The following B3GALT1 variants were observed in gnomAD, a reference collection of about 807,000 sequenced individuals.
B3GALT1 encodes UDP-Gal:betaGlcNAc beta 1,3-galactosyltransferase, polypeptide 1.
A neutral mutation model predicts 23.2 loss-of-function variants in B3GALT1; 10 were observed. That is an observed-to-expected ratio of 0.43 (90% CI 0.27 to 0.73). B3GALT1 has a LOEUF of 0.73. Ranked by LOEUF, B3GALT1 falls within the 30% of genes least tolerant of loss-of-function variation. B3GALT1 has a pLI of 0.21. For missense variants in B3GALT1, 299 were observed against 405.4 expected, an observed-to-expected ratio of 0.74 and a Z score of 2.25; for synonymous variants, 156 against 141.5, an observed-to-expected ratio of 1.10 and a Z score of -0.73.
intron 3 of B3GALT1, among the ~76,000 whole-genome samples, chr2:167,790,324 G>T (rs1263849287): frequency 6.6e-6 from 1 of 152,176 alleles, no homozygotes; most frequent in East Asian, 1.9e-4. Context: ...CTCAAACTAG[G>T]AATTCAGGGT....
intron 3 of B3GALT1, among the ~76,000 whole-genome samples, chr2:167,707,142 G>A (rs6433006): frequency 0.65 from 98,086 of 152,016 alleles, 35,220 homozygotes; most frequent in Non-Finnish European, 0.84. Context: ...CCTTTCAGCC[G>A]TGGTAGTGAG....
chr2:167,848,155 C>G (rs1335608784), intron 4 of B3GALT1, among the ~76,000 whole-genome samples: 2 of 152,038 alleles, frequency 1.3e-5, no homozygotes, highest in Non-Finnish European at 2.9e-5. Context: ...AGAATTCTAC[C>G]AGACATTCAA....
At chr2:167,438,746 C>T (rs1195199679) in intron 1 of B3GALT1, among the ~76,000 whole-genome samples, 1 of 152,210 alleles carries the variant, frequency 6.6e-6, no homozygotes, top group East Asian at 1.9e-4. Context: ...TAGAAAACTA[C>T]TGATTCCAGC....
At chr2:167,505,018 T>A (rs1298824372) in intron 2 of B3GALT1, among the ~76,000 whole-genome samples, 1 of 151,716 alleles carries the variant, frequency 6.6e-6, no homozygotes, top group Non-Finnish European at 1.5e-5. Context: ...TATGTATTGA[T>A]ATAGAGAGAT....
intron 1 of B3GALT1, among the ~76,000 whole-genome samples, chr2:167,478,236 G>C (rs1337626189): frequency 6.6e-6 from 1 of 152,184 alleles, no homozygotes; most frequent in Non-Finnish European, 1.5e-5. Flanking sequence ...TTCATTCACT[G>C]ATCTTGTGTT....
At chr2:167,756,539 T>A (rs1687821765) in intron 3 of B3GALT1, among the ~76,000 whole-genome samples, 1 of 152,212 alleles carries the variant, frequency 6.6e-6, no homozygotes, top group South Asian at 2.1e-4. Context: ...TCATCTCTAA[T>A]TAATTTTGGC....
chr2:167,636,823 T>A (rs576061839), intron 2 of B3GALT1, among the ~76,000 whole-genome samples: 2 of 151,782 alleles, frequency 1.3e-5, no homozygotes, highest in African/African-American at 4.8e-5. Context: ...CATCACACAC[T>A]GGGGCCTGTC....
At chr2:167,676,552 C>T (rs28576959) in intron 3 of B3GALT1, among the ~76,000 whole-genome samples, 2 of 131,394 alleles carry the variant, frequency 1.5e-5, no homozygotes, top group Admixed American at 7.3e-5. Context: ...CACACACACA[C>T]ACATATATAT....
intron 4 of B3GALT1, among the ~76,000 whole-genome samples, chr2:167,827,676 G>A (rs1173852559): frequency 6.6e-6 from 1 of 152,164 alleles, no homozygotes; most frequent in Non-Finnish European, 1.5e-5. Flanking sequence ...GGCCTCGGAT[G>A]CTCTATATCC....
intron 1 of B3GALT1, among the ~76,000 whole-genome samples, chr2:167,464,712 T>C (rs1235732587): frequency 1.3e-5 from 2 of 152,188 alleles, no homozygotes; most frequent in African/African-American, 4.8e-5. Flanking sequence ...TTCATATGGA[T>C]ATGAATGGAC....
At chr2:167,714,350 T>A in intron 3 of B3GALT1, 1 of 1,498,554 alleles carries the variant, frequency 6.7e-7, no homozygotes, top group Non-Finnish European at 9.3e-7. Context: ...TTCTCCTCTT[T>A]TATTGGTAAT....
At chr2:167,299,164 C>T (rs1397485890) in intron 1 of B3GALT1, among the ~76,000 whole-genome samples, 1 of 152,108 alleles carries the variant, frequency 6.6e-6, no homozygotes, top group Non-Finnish European at 1.5e-5. Flanking sequence ...TTCCTAGACA[C>T]ATATAGATGA....
intron 2 of B3GALT1, among the ~76,000 whole-genome samples, chr2:167,639,814 T>A (rs1340159634): frequency 6.6e-6 from 1 of 152,060 alleles, no homozygotes; most frequent in African/African-American, 2.4e-5. Flanking sequence ...TAAGTTGACA[T>A]CCAAATCATT....
At chr2:167,391,960 T>C (rs542380257) in intron 1 of B3GALT1, among the ~76,000 whole-genome samples, 124 of 152,250 alleles carry the variant, frequency 8.1e-4, no homozygotes, top group South Asian at 7.0e-3. Flanking sequence ...ATGTACACAT[T>C]TGAAAGTGAC....
At chr2:167,790,734 G>T (rs1356645175) in intron 3 of B3GALT1, among the ~76,000 whole-genome samples, 1 of 152,046 alleles carries the variant, frequency 6.6e-6, no homozygotes, top group East Asian at 1.9e-4. Flanking sequence ...TTGTTTGAAA[G>T]CCTGGTTAGC....
rs75786564 is a variant in B3GALT1, at chr2:167,625,652, G to A, written c.-409-21257G>A. Among the ~76,000 whole-genome samples, 991 of 151,592 alleles carry A rather than the reference G, an allele frequency of 6.5e-3. 9 individuals are homozygous for A. Among genetic ancestry groups the A allele is most frequent in the African/African-American group, 0.023 (957 of 41,406 alleles). ...CATGTCAAAGGAGAGCTTTAGATTC[G>A]TGTTACAATTAACCGTATGGCATGA... On this transcript the variant is annotated intron_variant, in intron 2 of 4. Transcript: ENST00000392690.
chr2:167,777,636 C>A (rs1688182700), intron 3 of B3GALT1, among the ~76,000 whole-genome samples: 1 of 152,202 alleles, frequency 6.6e-6, no homozygotes, highest in Non-Finnish European at 1.5e-5. Flanking sequence ...GCATGAGCCA[C>A]CACACCTGGC....
chr2:167,738,125 C>G (rs973712616), intron 3 of B3GALT1, among the ~76,000 whole-genome samples: 1 of 152,152 alleles, frequency 6.6e-6, no homozygotes, highest in African/African-American at 2.4e-5. Context: ...TGCAAGCTCT[C>G]AGATCTTACA....
At chr2:167,698,321 A>T (rs1287222840) in intron 3 of B3GALT1, among the ~76,000 whole-genome samples, 1 of 152,242 alleles carries the variant, frequency 6.6e-6, no homozygotes, top group Non-Finnish European at 1.5e-5. Context: ...AAACTTAGTG[A>T]GGAAAAGATA....
Sources: allele counts gnomAD v4.1 joint callset (sites outside exome capture counted in the v4.1 genomes callset), GRCh38; gene constraint gnomAD v4.1.1; transcripts MANE v1.5; gene names NCBI Gene and HGNC (gene_info 2026-07-23, HGNC 2026-07-21).